The following BCL2 variants were observed in gnomAD, a reference collection of about 807,000 sequenced individuals.
BCL2 encodes the protein apoptosis regulator Bcl-2.
In BCL2, 1 loss-of-function variant was observed where a neutral mutation model predicts 14.2. The ratio of observed to expected loss-of-function variants is 0.07; its 90% CI spans 0.02 to 0.33. The LOEUF is 0.33. BCL2 is among the 10% of genes least tolerant of loss of function. The probability of loss-of-function intolerance (pLI) is 0.99; values close to 1 mark genes in which losing one functional copy is unlikely to be tolerated. For synonymous variants in BCL2, 151 were observed against 137.2 expected (o/e 1.10, Z -0.70); for missense variants, 247 against 305.9 (o/e 0.81, Z 1.44).
At chr18:63,235,168 T>A (rs1910791577) in intron 2 of BCL2, among the ~76,000 whole-genome samples, 1 of 152,204 alleles carries the variant, frequency 6.6e-6, no homozygotes, top group South Asian at 2.1e-4. Flanking sequence ...AATATGACTC[T>A]AACAAGTATT....
At chr18:63,237,858 G>A (rs574286161) in intron 2 of BCL2, among the ~76,000 whole-genome samples, 2 of 152,180 alleles carry the variant, frequency 1.3e-5, no homozygotes, top group African/African-American at 4.8e-5. Flanking sequence ...CTTGGTAATT[G>A]ATTTTAAATA....
At chr18:63,313,513 C>A (rs1255176395) in intron 2 of BCL2, among the ~76,000 whole-genome samples, 1 of 152,144 alleles carries the variant, frequency 6.6e-6, no homozygotes, top group South Asian at 2.1e-4. Context: ...TTGAACAGAA[C>A]CTTTGAATCT....
At chr18:63,200,898 A>T (rs1388485112) in intron 2 of BCL2, among the ~76,000 whole-genome samples, 2 of 152,158 alleles carry the variant, frequency 1.3e-5, no homozygotes, top group Non-Finnish European at 2.9e-5. Context: ...GCTGAGATAC[A>T]GGCATGAGCC....
intron 2 of BCL2, among the ~76,000 whole-genome samples, chr18:63,242,205 A>C (rs376707424): frequency 6.6e-6 from 1 of 152,248 alleles, no homozygotes; most frequent in African/African-American, 2.4e-5. Context: ...CTGTGCCTTA[A>C]GAATATGAGA....
At chr18:63,256,097 CTTAGT>C (rs1362550076) in intron 2 of BCL2, among the ~76,000 whole-genome samples, 1 of 152,060 alleles carries the variant, frequency 6.6e-6, no homozygotes, top group African/African-American at 2.4e-5. Context: ...CCATTTTAGA[CTTAGT>C]TTAGTCAGAG....
At position 63,262,453 on chromosome 18, in the gene BCL2, G is replaced by A. The variant is rs894844903; in HGVS notation, c.585+55629C>T. Among the ~76,000 whole-genome samples, 6 of 152,252 alleles carry A rather than the reference G, an allele frequency of 3.9e-5. No homozygotes were observed. The South Asian group carries it at 1.2e-3, about 32-fold the overall frequency. ...CACCTCCTGTTCAGAGTAAGTGCTG[G>A]GTTGCTGACCAAATTAGGTCTTCTT... On this transcript the variant is annotated intron_variant, in intron 2 of 2. Coordinates refer to ENST00000333681, the MANE Select transcript of BCL2 (RefSeq NM_000633.3).
chr18:63,139,027 T>C (rs1304826788), intron 2 of BCL2, among the ~76,000 whole-genome samples: 1 of 152,204 alleles, frequency 6.6e-6, no homozygotes, highest in African/African-American at 2.4e-5. Flanking sequence ...AACCACCTGC[T>C]AATGGAGACT....
At chr18:63,242,655 C>A (rs532950933) in intron 2 of BCL2, among the ~76,000 whole-genome samples, 44 of 152,194 alleles carry the variant, frequency 2.9e-4, no homozygotes, top group Non-Finnish European at 5.4e-4. Flanking sequence ...CCCCCTCACC[C>A]CTGCCACAAA....
At chr18:63,236,999 T>G (rs1023647577) in intron 2 of BCL2, among the ~76,000 whole-genome samples, 2 of 152,158 alleles carry the variant, frequency 1.3e-5, no homozygotes, top group African/African-American at 4.8e-5. Flanking sequence ...CATTTATTAT[T>G]TGCACGTGGT....
chr18:63,296,528 A>ACCTG (rs1912799420), intron 2 of BCL2, among the ~76,000 whole-genome samples: 1 of 152,164 alleles, frequency 6.6e-6, no homozygotes, highest in South Asian at 2.1e-4. Context: ...AGTCTTGAAC[A>ACCTG]CCTGGGCTCA....
At chr18:63,310,849 G>C (rs116823152) in intron 2 of BCL2, among the ~76,000 whole-genome samples, 3 of 152,222 alleles carry the variant, frequency 2.0e-5, no homozygotes, top group African/African-American at 7.2e-5. Flanking sequence ...TGTTTAGTAA[G>C]TGGCTTTGTC....
Position 63,138,753 on chromosome 18 carries a change from A to T in BCL2, c.586-9994T>A, listed in dbSNP as rs964522553. Among the ~76,000 whole-genome samples, 13 of 152,368 alleles carry T rather than the reference A, an allele frequency of 8.5e-5. No individual in the cohort carries two copies. In the East Asian group the frequency reaches 2.5e-3, roughly 29 times the overall value. On this transcript the variant is annotated intron_variant, in intron 2 of 2. Transcript: ENST00000333681. ...TTGGATGTAACAAGAAACCTGCTGG[A>T]GACATGGCAGGAGATGAAAAACCCA...
At chr18:63,130,354 T>G (rs189424484) in intron 2 of BCL2, among the ~76,000 whole-genome samples, 1 of 152,302 alleles carries the variant, frequency 6.6e-6, no homozygotes, top group East Asian at 1.9e-4. Context: ...GCTCCAACAG[T>G]GCACAGAGGG....
intron 2 of BCL2, among the ~76,000 whole-genome samples, chr18:63,169,300 C>CT (rs1568222426): frequency 1.3e-5 from 1 of 76,642 alleles, no homozygotes; most frequent in South Asian, 5.2e-4. Context: ...TTCTTTCTTT[C>CT]TTTCTTTCTT....
chr18:63,200,724 C>G (rs1328016538), intron 2 of BCL2, among the ~76,000 whole-genome samples: 1 of 152,174 alleles, frequency 6.6e-6, no homozygotes, highest in Admixed American at 6.5e-5. Context: ...GAAAACTCAT[C>G]AACTCCTGGG....
intron 2 of BCL2, among the ~76,000 whole-genome samples, chr18:63,191,686 C>G (rs932446769): frequency 6.6e-6 from 1 of 152,190 alleles, no homozygotes; most frequent in African/African-American, 2.4e-5. Flanking sequence ...TCAGGATAAG[C>G]CCTAAAGGTT....
chr18:63,181,036 C>T (rs1215705152), intron 2 of BCL2, among the ~76,000 whole-genome samples: 1 of 152,200 alleles, frequency 6.6e-6, no homozygotes, highest in Non-Finnish European at 1.5e-5. Context: ...TCACCATGCA[C>T]TCTCATGGCT....
In BCL2 at chr18:63,125,229, AGAGGTAAGT is replaced by A; in HGVS notation, c.*3387_*3395del. 1 of 226,284 alleles carries A rather than the reference AGAGGTAAGT, an allele frequency of 4.4e-6. No individual in the cohort carries two copies. Among genetic ancestry groups the A allele is most frequent in the Non-Finnish European group, 8.8e-6 (1 of 113,638 alleles). 14.0% of individuals were successfully genotyped at this position (226,284 alleles called of 1,614,324 possible). On this transcript the variant is annotated 3_prime_UTR_variant, in exon 3 of 3. Transcript: ENST00000333681. ...AATGGAAGGCCACATCTGAACACAGAGAGGTAAGTGAGCTGTGGAGAGAATGTTGGCGTC... is the reference window on the plus strand; with the variant it reads ...AATGGAAGGCCACATCTGAACACAGAGAGCTGTGGAGAGAATGTTGGCGTC...
chr18:63,286,718 C>T (rs2144262321), intron 2 of BCL2, among the ~76,000 whole-genome samples: 1 of 152,094 alleles, frequency 6.6e-6, no homozygotes, highest in Non-Finnish European at 1.5e-5. Context: ...AGGTGAGAGG[C>T]AAGAAGTAAG....
Sources: allele counts gnomAD v4.1 joint callset (sites outside exome capture counted in the v4.1 genomes callset), GRCh38; gene constraint gnomAD v4.1.1; transcripts MANE v1.5; gene names NCBI Gene and HGNC (gene_info 2026-07-23, HGNC 2026-07-21).